Variants in BCKDHB observed in about 807,000 individuals in gnomAD.
The protein encoded by BCKDHB is branched chain keto acid dehydrogenase E1 subunit beta.
In BCKDHB, 41 loss-of-function variants were observed where a neutral mutation model predicts 48.5. The ratio of observed to expected loss-of-function variants is 0.85; its 90% CI spans 0.66 to 1.10. The LOEUF is 1.10. Ranked by LOEUF, BCKDHB falls within the 50% of genes least tolerant of loss-of-function variation. BCKDHB has a pLI of 0.00. For missense variants in BCKDHB, 496 were observed against 494.2 expected, an observed-to-expected ratio of 1.00 and a Z score of -0.03; for synonymous variants, 201 against 174.8, an observed-to-expected ratio of 1.15 and a Z score of -1.18.
At chr6:80,460,636 A>T in the BCKDHB span, among the ~76,000 whole-genome samples, 2 of 152,160 alleles carry the variant, frequency 1.3e-5, no homozygotes, top group African/African-American at 4.8e-5. Flanking sequence ...TCCCTGACTT[A>T]GTGGTATATT....
chr6:80,443,969 T>G, the BCKDHB span, among the ~76,000 whole-genome samples: 1 of 151,898 alleles, frequency 6.6e-6, no homozygotes, highest in South Asian at 2.1e-4. Context: ...AGTTTAAAAT[T>G]TAAAACTTAT....
chr6:80,377,905 A>G, the BCKDHB span, among the ~76,000 whole-genome samples: 1 of 152,206 alleles, frequency 6.6e-6, no homozygotes. Flanking sequence ...TTATAGATCA[A>G]TTTGGAAAGT....
chr6:80,282,647 A>G (rs1405021720), intron 9 of BCKDHB, among the ~76,000 whole-genome samples: 1 of 152,154 alleles, frequency 6.6e-6, no homozygotes, highest in East Asian at 1.9e-4. Context: ...ACCTGTATGC[A>G]AACCTACAGG....
chr6:80,416,800 A>T, the BCKDHB span, among the ~76,000 whole-genome samples: 3,315 of 149,948 alleles, frequency 0.022, 128 homozygotes, highest in African/African-American at 0.075. Flanking sequence ...TTATTATTAT[A>T]CTTTAAGTTT....
At chr6:80,228,064 G>A (rs1417456691) in intron 8 of BCKDHB, among the ~76,000 whole-genome samples, 3 of 152,126 alleles carry the variant, frequency 2.0e-5, no homozygotes, top group Non-Finnish European at 4.4e-5. Context: ...TATGTAAGAC[G>A]TTTCCCCCAG....
chr6:80,297,424 A>G (rs6920239), intron 9 of BCKDHB, among the ~76,000 whole-genome samples: 7,447 of 152,288 alleles, frequency 0.049, 262 homozygotes, highest in Non-Finnish European at 0.073. Flanking sequence ...TTTTAAACTA[A>G]TCAAAGTTTT....
At chr6:80,225,654 A>C (rs1478386215) in intron 8 of BCKDHB, among the ~76,000 whole-genome samples, 3 of 152,112 alleles carry the variant, frequency 2.0e-5, no homozygotes, top group Admixed American at 1.3e-4. Context: ...CTTGTCAAAA[A>C]CTTTCAATTT....
At position 80,344,348 on chromosome 6, in the gene BCKDHB, ATTT is replaced by A. The variant is rs10579475; in HGVS notation, c.*558_*560del. On this transcript the variant is annotated 3_prime_UTR_variant, in exon 10 of 10. Transcript: ENST00000320393. ...AACATATCTAGCATATGTATATGTGATTTTTTTTTTTTTTTTGAGACCGAGTCT... is the reference window on the plus strand; with the variant it reads ...AACATATCTAGCATATGTATATGTGATTTTTTTTTTTTTGAGACCGAGTCT... 1,517 of 140,924 alleles carry A rather than the reference ATTT, an allele frequency of 0.011. 4 individuals are homozygous for A. Among genetic ancestry groups the A allele is most frequent in the African/African-American group, 0.018 (653 of 36,750 alleles). The allele number at this position is 140,924 out of a possible 1,614,324, so 8.7% of individuals were successfully genotyped here.
At chr6:80,230,526 A>G (rs1775883799) in intron 8 of BCKDHB, among the ~76,000 whole-genome samples, 1 of 152,154 alleles carries the variant, frequency 6.6e-6, no homozygotes, top group Non-Finnish European at 1.5e-5. Context: ...TTTTTCTATA[A>G]AGAGCCAGAT....
At chr6:80,112,641 C>T (rs1281089708) in intron 1 of BCKDHB, among the ~76,000 whole-genome samples, 1 of 152,208 alleles carries the variant, frequency 6.6e-6, no homozygotes, top group Non-Finnish European at 1.5e-5. Flanking sequence ...CAAGAGTGTC[C>T]AGACTGTCCC....
chr6:80,417,645 A>G, the BCKDHB span, among the ~76,000 whole-genome samples: 1 of 152,194 alleles, frequency 6.6e-6, no homozygotes, highest in African/African-American at 2.4e-5. Flanking sequence ...TTCTTTAAGA[A>G]TGTTGAATAT....
chr6:80,155,767 A>G (rs1772010706), intron 3 of BCKDHB, among the ~76,000 whole-genome samples: 1 of 151,518 alleles, frequency 6.6e-6, no homozygotes, highest in South Asian at 2.1e-4. Flanking sequence ...ATAGGAATGT[A>G]CTTATATTCT....
intron 9 of BCKDHB, among the ~76,000 whole-genome samples, chr6:80,285,127 A>G (rs581860): frequency 0.8 from 121,393 of 152,056 alleles, 48,632 homozygotes; most frequent in Admixed American, 0.87. Flanking sequence ...CAAAATTTAT[A>G]CTTTATTTTT....
At chr6:80,155,578 G>A in intron 3 of BCKDHB, among the ~76,000 whole-genome samples, 1 of 152,200 alleles carries the variant, frequency 6.6e-6, no homozygotes, top group East Asian at 1.9e-4. Flanking sequence ...TTTGTAATTA[G>A]TTTTTCTATG....
chr6:80,187,973 T>G (rs2127800770), intron 6 of BCKDHB, among the ~76,000 whole-genome samples: 1 of 152,302 alleles, frequency 6.6e-6, no homozygotes, highest in East Asian at 1.9e-4. Flanking sequence ...AATCCCATTA[T>G]TGAATATATG....
In BCKDHB at chr6:80,106,944, C is replaced by G; in HGVS notation, c.196+55C>G. The G allele has an allele frequency of 1.9e-6, 3 of 1,557,362 alleles. No homozygotes were observed. In the South Asian group the frequency reaches 3.5e-5, roughly 18 times the overall value. On this transcript the variant is annotated intron_variant, in intron 1 of 9. Transcript: ENST00000320393. ...GCTGCAGCCCGGACTCCCAGGCTCG[C>G]AGGCGCCCGCGAGGGGCAGGGGCCG...
chr6:80,150,413 G>T (rs1056276444), intron 3 of BCKDHB, among the ~76,000 whole-genome samples: 2 of 151,858 alleles, frequency 1.3e-5, no homozygotes, highest in African/African-American at 4.8e-5. Flanking sequence ...TGCAAATAAA[G>T]GAAATAAAAT....
the BCKDHB span, among the ~76,000 whole-genome samples, chr6:80,401,104 T>A: frequency 6.6e-6 from 1 of 151,558 alleles, no homozygotes; most frequent in East Asian, 1.9e-4. Context: ...GAAAAAATAG[T>A]CAATGGATAC....
chr6:80,358,697 T>C, the BCKDHB span, among the ~76,000 whole-genome samples: 1 of 152,132 alleles, frequency 6.6e-6, no homozygotes, highest in African/African-American at 2.4e-5. Flanking sequence ...AGAATGGAGA[T>C]TGGTGATTTC....
Sources: gnomAD v4.1 joint callset for allele counts (sites outside exome capture counted in the v4.1 genomes callset) on GRCh38, gnomAD v4.1.1 for gene constraint, MANE v1.5 for transcripts, NCBI Gene and HGNC (gene_info 2026-07-23, HGNC 2026-07-21) for gene names.